The following IFT140 variants were observed in gnomAD, a reference collection of about 807,000 sequenced individuals.
The protein encoded by IFT140 is intraflagellar transport protein 140 homolog.
IFT140 carries 133 observed loss-of-function variants against 164.6 expected under a neutral mutation model. That is an observed-to-expected ratio of 0.81 (90% confidence interval 0.70 to 0.93). The LOEUF is 0.93. Ranked by LOEUF, IFT140 falls within the 40% of genes least tolerant of loss-of-function variation. The pLI is 0.00. For missense variants in IFT140, 2,045 were observed against 1,972.3 expected (o/e 1.04, Z -0.70); for synonymous variants, 860 against 817.3 (o/e 1.05, Z -0.89).
At chr16:1,546,959 C>T (rs961308732) in intron 19 of IFT140, among the ~76,000 whole-genome samples, 3 of 152,200 alleles carry the variant, frequency 2.0e-5, no homozygotes, top group East Asian at 1.9e-4. Context: ...AAGTCCCCGC[C>T]GTCCCCCAGT....
At chr16:1,517,522 C>A (rs2040400381) in intron 30 of IFT140, among the ~76,000 whole-genome samples, 1 of 152,018 alleles carries the variant, frequency 6.6e-6, no homozygotes, top group African/African-American at 2.4e-5. Context: ...CTGTTCACCC[C>A]CTAGGATGGC....
At chr16:1,604,818 G>A (rs1159101340) in intron 3 of IFT140, among the ~76,000 whole-genome samples, 1 of 152,124 alleles carries the variant, frequency 6.6e-6, no homozygotes, top group Non-Finnish European at 1.5e-5. Flanking sequence ...TTACAAGGTA[G>A]GGGAGTGGGA....
chr16:1,528,481 G>T (rs970039719), intron 19 of IFT140, among the ~76,000 whole-genome samples: 1 of 149,708 alleles, frequency 6.7e-6, no homozygotes, highest in Non-Finnish European at 1.5e-5. Flanking sequence ...GCACACACAA[G>T]CACATGCACT....
intron 13 of IFT140, among the ~76,000 whole-genome samples, chr16:1,575,252 G>A (rs1016069854): frequency 2.6e-5 from 4 of 151,360 alleles, no homozygotes; most frequent in Non-Finnish European, 5.9e-5. Context: ...ATTGGCACCT[G>A]TGGTCCCAGC....
chr16:1,512,395 C>T (rs1215850006), intron 30 of IFT140, among the ~76,000 whole-genome samples: 1 of 152,080 alleles, frequency 6.6e-6, no homozygotes, highest in Non-Finnish European at 1.5e-5. Flanking sequence ...GTGCACGTGA[C>T]CCCGGGTGGC....
chr16:1,595,256 G>A (rs1207155591), intron 4 of IFT140, among the ~76,000 whole-genome samples: 4 of 152,034 alleles, frequency 2.6e-5, no homozygotes, highest in Non-Finnish European at 5.9e-5. Flanking sequence ...CTGCACTCCA[G>A]CCTGGGTGAC....
intron 4 of IFT140, among the ~76,000 whole-genome samples, chr16:1,599,748 C>A (rs1164276982): frequency 1.5e-5 from 1 of 65,658 alleles, no homozygotes; most frequent in Non-Finnish European, 2.8e-5. Flanking sequence ...AGCCCCTCTG[C>A]CCGGCCAGCC....
At chr16:1,525,079 G>C (rs1455772241) in intron 22 of IFT140, 152 bp downstream of exon 22, 1 of 1,193,496 alleles carries the variant, frequency 8.4e-7, no homozygotes, top group Admixed American at 2.1e-5. Flanking sequence ...GGAGGGCCTG[G>C]CTCAGGGCCC....
At position 1,564,129 on chromosome 16, in the gene IFT140, A is replaced by G. The variant is rs142842389; in HGVS notation, c.1935T>C (p.Asn645=). ...CCCAGAAGTGGTTCACGGGAACATA[A>G]TTTTTCAGTCCCTCATCCACAAAGA... ...SHLFVDEGLK[N]YVPVNHFWDQ... Residue 645 remains asparagine, a synonymous_variant, in exon 17 of 31, where the codon AAT becomes AAC. Coordinates refer to ENST00000426508, the MANE Select transcript of IFT140 (RefSeq NM_014714.4). The surrounding 1 kb of genome is among the most constrained non-coding windows in gnomAD (Gnocchi z 5.5). 5.7e-6 allele frequency: 9 copies of G among 1,586,992 alleles called. No individual in the cohort carries two copies. The African/African-American group carries it at 8.1e-5, about 14-fold the overall frequency.
At position 1,589,728 on chromosome 16, in the gene IFT140, T is replaced by C. The variant is rs771614325; in HGVS notation, c.687A>G (p.Ala229=). The C allele has an allele frequency of 3.1e-6, 5 of 1,614,192 alleles. No homozygotes were observed. Among genetic ancestry groups the C allele is most frequent in the East Asian group, 2.2e-5 (1 of 44,874 alleles). ...AGAACAGCATCTGAATCGTGCTGTC[T>C]GCGGACACCACCTGAGTGGTCTTGC... ...EKGKTTQVVS[A]DSTIQMLFYM... is the part of the protein sequence containing the mutation. The change falls in exon 7 of 31, where the codon GCA becomes GCG. Residue 229 remains alanine (A), a synonymous_variant. Coordinates refer to ENST00000426508, the MANE Select transcript of IFT140 (RefSeq NM_014714.4).
chr16:1,523,272 A>AC (rs1296889264), intron 26 of IFT140, among the ~76,000 whole-genome samples: 2 of 150,808 alleles, frequency 1.3e-5, no homozygotes, highest in African/African-American at 4.9e-5. Flanking sequence ...GTGTGTTTTT[A>AC]CCCCCCACCA....
chr16:1,563,110 C>T (rs1432079755), intron 17 of IFT140, among the ~76,000 whole-genome samples: 1 of 151,972 alleles, frequency 6.6e-6, no homozygotes. Flanking sequence ...GGTGTCAGCC[C>T]GCCCATCCTC....
In IFT140 at chr16:1,565,555, G is replaced by A. The variant is rs532362064; in HGVS notation, c.1901+606C>T. Among the ~76,000 whole-genome samples, 20 of 152,338 alleles carry A rather than the reference G, an allele frequency of 1.3e-4. No homozygotes were observed. The East Asian group carries it at 3.7e-3, about 28-fold the overall frequency. ...CACCCCCGAGCCCAGCCTTGTAACTGCTCTGCTCCTCTGTGAGCATATGCA... is the reference window on the plus strand; with the variant it reads ...CACCCCCGAGCCCAGCCTTGTAACTACTCTGCTCCTCTGTGAGCATATGCA... On this transcript the variant is annotated intron_variant, in intron 16 of 30. Coordinates refer to ENST00000426508, the MANE Select transcript of IFT140 (RefSeq NM_014714.4).
intron 12 of IFT140, 100 bp downstream of exon 12, chr16:1,583,212 CCT>C: frequency 7.8e-6 from 8 of 1,025,834 alleles, no homozygotes; most frequent in Non-Finnish European, 1.1e-5. Context: ...CTCCCCAGCC[CCT>C]GTGCCAGCCC....
intron 16 of IFT140, 112 bp downstream of exon 16, chr16:1,566,049 T>A (rs2033694415): frequency 2.1e-6 from 2 of 932,488 alleles, no homozygotes; most frequent in African/African-American, 3.3e-5. Flanking sequence ...TTCCTACTGG[T>A]GCCTGCTGGG....
chr16:1,602,290 A>C, intron 4 of IFT140, 80 bp downstream of exon 4: 1 of 1,244,318 alleles, frequency 8.0e-7, no homozygotes, highest in East Asian at 2.5e-5. Flanking sequence ...CACGGTTCCC[A>C]TATTTTGATC....
chr16:1,526,103 C>T (rs749300433), intron 20 of IFT140, 26 bp from the exon 21 acceptor site: 37 of 1,553,418 alleles, frequency 2.4e-5, no homozygotes, highest in South Asian at 7.1e-5. Context: ...GGGCAGGTGT[C>T]GTGCAGCCTC....
chr16:1,583,996 A>G (rs756152677), intron 11 of IFT140, among the ~76,000 whole-genome samples: 19 of 152,142 alleles, frequency 1.2e-4, no homozygotes, highest in Admixed American at 3.3e-4. Context: ...CAGCCTCCCA[A>G]AGCGCTGGGA....
In IFT140 at chr16:1,520,699, C is replaced by T. The variant is rs780533679; in HGVS notation, c.3563G>A (p.Arg1188Gln). The T allele has an allele frequency of 4.2e-5, 68 of 1,611,338 alleles. No homozygotes were observed. Among genetic ancestry groups the T allele is most frequent in the Admixed American group, 1.0e-4 (6 of 59,814 alleles). ...KDSSDLPEESRRELLEQIADC... is the reference protein window; with the variant it reads ...KDSSDLPEESQRELLEQIADC... ...TGCTATCTGCTCCAGCAGCTCCCGC[C>T]GCGACTCCTCAGGCAGGTCCGAGGA... The change falls in exon 27 of 31, where the codon CGG (arginine) becomes CAG (glutamine). Residue 1188 changes from arginine to glutamine, a missense_variant. Transcript: ENST00000426508.
Sources: gnomAD v4.1 joint callset for allele counts (sites outside exome capture counted in the v4.1 genomes callset) on GRCh38, gnomAD v4.1.1 for gene constraint, Gnocchi (gnomAD v3.1) non-coding constraint, MANE v1.5 for transcripts, NCBI Gene and HGNC (gene_info 2026-07-23, HGNC 2026-07-21) for gene names.